Variants in DLGAP3 observed in about 807,000 individuals in gnomAD.
DLGAP3 encodes disks large-associated protein 3.
DLGAP3 carries 17 observed loss-of-function variants against 81.2 expected under a neutral mutation model. That is an observed-to-expected ratio of 0.21 (90% CI 0.14 to 0.31). DLGAP3 has a LOEUF of 0.31. Among genes scored for constraint, DLGAP3 ranks in the 10% least tolerant of loss-of-function variants. The probability of loss-of-function intolerance (pLI) is 1.00; values close to 1 mark genes in which losing one functional copy is unlikely to be tolerated. For synonymous variants in DLGAP3, 577 were observed against 587.4 expected (o/e 0.98, Z 0.26); for missense variants, 1,124 against 1,388.0 (o/e 0.81, Z 3.02).
At chr1:34,886,741 A>T (rs1054641444) in intron 5 of DLGAP3, among the ~76,000 whole-genome samples, 15 of 151,796 alleles carry the variant, frequency 9.9e-5, no homozygotes. Context: ...AATCCATTAC[A>T]TTACAAAATT....
At position 34,904,529 on chromosome 1, in the gene DLGAP3, A is replaced by C. The variant is rs1569644333; in HGVS notation, c.855T>G (p.Gly285=). Reference sequence around the variant, plus strand: ...CATCTGGACCCTCCAGGCAGAAGGGACCACCAGGCTCCCCAGGGGGCCTCC... The same window carrying C: ...CATCTGGACCCTCCAGGCAGAAGGGCCCACCAGGCTCCCCAGGGGGCCTCC... ...AGGRPPGEPG[G]PFCLEGPDGS... is the part of the protein sequence containing the mutation. The change falls in exon 3 of 12, where the codon GGT becomes GGG. Residue 285 remains glycine, a synonymous_variant. Transcript: ENST00000373347. The surrounding 1 kb of genome is among the most constrained non-coding windows in gnomAD (Gnocchi z 8.1). 6.2e-7 allele frequency: 1 copy of C among 1,614,044 alleles called. No homozygotes were observed. Among genetic ancestry groups the C allele is most frequent in the Non-Finnish European group, 8.5e-7 (1 of 1,179,950 alleles).
rs115378893 is a variant in DLGAP3, at chr1:34,913,269, C to A, written c.-134-5832G>T. Among the ~76,000 whole-genome samples, 1,079 of 152,286 alleles carry A rather than the reference C, an allele frequency of 7.1e-3. 18 individuals carry two copies. The highest frequency in any genetic ancestry group is 0.024 in the African/African-American group (994 of 41,546). On this transcript the variant is annotated intron_variant, in intron 1 of 11. Transcript: ENST00000373347. ...AAAATGGGTTTACAGCTCCAAAACA[C>A]TCGAGCCATTTAGGCAGATACAAGT...
chr1:34,895,351 G>A lies in DLGAP3; in HGVS notation c.1386+4318C>T, dbSNP rs1233750684. On this transcript the variant is annotated intron_variant, in intron 5 of 11. Coordinates refer to ENST00000373347, the MANE Select transcript of DLGAP3 (RefSeq NM_001080418.3). The surrounding 1 kb of genome is among the most constrained non-coding windows in gnomAD (Gnocchi z 4.5). ...CCACTGCACTCCTACCTGGGCGACA[G>A]AGCGAGACTGTCTCAAAAAAAAAAA... 6.8e-6 allele frequency among the ~76,000 whole-genome samples: 1 copy of A among 146,188 alleles called. No homozygotes were observed. Among genetic ancestry groups the A allele is most frequent in the Non-Finnish European group, 1.5e-5 (1 of 67,246 alleles).
chr1:34,874,055 A>G lies in DLGAP3; in HGVS notation c.2001-4966T>C, dbSNP rs538570435. ...AGTAGAAGTGGCATGTGCAACTTCC[A>G]GAAAGTGTCCTTAAAAGGAGGGGGT... On this transcript the variant is annotated intron_variant, in intron 8 of 11. Coordinates refer to ENST00000373347, the MANE Select transcript of DLGAP3 (RefSeq NM_001080418.3). 2.0e-5 allele frequency among the ~76,000 whole-genome samples: 3 copies of G among 152,354 alleles called. No homozygotes were observed. In the East Asian group the frequency reaches 5.8e-4, roughly 29 times the overall value.
intron 1 of DLGAP3, among the ~76,000 whole-genome samples, chr1:34,928,419 C>T (rs931475235): frequency 6.4e-5 from 9 of 140,938 alleles, no homozygotes; most frequent in African/African-American, 2.9e-4. Flanking sequence ...CCCCAGATCC[C>T]CCCTCCCACC....
In DLGAP3 at chr1:34,900,329, A is replaced by G. The variant is rs1239025121; in HGVS notation, c.1108-56T>C. ...CATGACCCTAGTAAATCTAGAGGCC[A>G]GGACTCTTTCCCCACTGCCAGTGGG... On this transcript the variant is annotated intron_variant, in intron 3 of 11. Transcript: ENST00000373347. This position sits in a 1 kb window ranked among gnomAD's most constrained non-coding sequence, Gnocchi z 5.6. 3 of 1,571,392 alleles carry G rather than the reference A, an allele frequency of 1.9e-6. No homozygotes were observed. Among genetic ancestry groups the G allele is most frequent in the Non-Finnish European group, 1.7e-6 (2 of 1,145,820 alleles).
intron 1 of DLGAP3, among the ~76,000 whole-genome samples, chr1:34,920,187 G>A (rs549050248): frequency 6.6e-6 from 1 of 152,232 alleles, no homozygotes; most frequent in South Asian, 2.1e-4. Context: ...CTAAGTCTCT[G>A]TCTGTGGCTC....
At chr1:34,870,773 A>C (rs1638967670) in intron 8 of DLGAP3, among the ~76,000 whole-genome samples, 2 of 152,216 alleles carry the variant, frequency 1.3e-5, no homozygotes, top group African/African-American at 4.8e-5. Context: ...CCTGATGATT[A>C]GACTGGCCTC....
intron 5 of DLGAP3, among the ~76,000 whole-genome samples, chr1:34,896,585 TCACACACACA>T (rs10593156): frequency 6.8e-6 from 1 of 146,798 alleles, no homozygotes; most frequent in East Asian, 2.0e-4. Context: ...CCAGACTCCA[TCACACACACA>T]CACACACACA....
intron 8 of DLGAP3, among the ~76,000 whole-genome samples, chr1:34,874,941 T>C (rs1219876246): frequency 6.6e-6 from 1 of 151,888 alleles, no homozygotes; most frequent in Admixed American, 6.6e-5. Context: ...AAACATATAA[T>C]CAAGCAGGGG....
intron 8 of DLGAP3, among the ~76,000 whole-genome samples, chr1:34,879,658 C>T (rs1374698227): frequency 4.0e-5 from 6 of 151,652 alleles, no homozygotes; most frequent in Admixed American, 3.9e-4. Flanking sequence ...AAAGGCTGTC[C>T]CTTGTCAAAA....
Position 34,886,836 on chromosome 1 carries a change from A to ATTTTACAC in DLGAP3, c.1387-552_1387-551insGTGTAAAA, listed in dbSNP as rs1639239470. Reference sequence around the variant, plus strand: ...TATACTATATATATACACTACATGTATATATGCTATATATATATAAAATAC... The same window carrying ATTTTACAC: ...TATACTATATATATACACTACATGTATTTTACACTATATGCTATATATATATAAAATAC... On this transcript the variant is annotated intron_variant, in intron 5 of 11. Transcript: ENST00000373347. Among the ~76,000 whole-genome samples the ATTTTACAC allele has an allele frequency of 4.7e-5, 7 of 149,722 alleles. No individual in the cohort carries two copies. The Admixed American group carries it at 4.7e-4, about 10-fold the overall frequency.
intron 2 of DLGAP3, among the ~76,000 whole-genome samples, chr1:34,906,016 T>TTTTATATA (rs60469155): frequency 1.1e-4 from 7 of 64,800 alleles, no homozygotes; most frequent in African/African-American, 1.9e-4. Context: ...GCCTCTAAAT[T>TTTTATATA]TATATATATA....
chr1:34,881,689 A>G (rs1460142826), intron 8 of DLGAP3, among the ~76,000 whole-genome samples: 2 of 148,532 alleles, frequency 1.3e-5, no homozygotes, highest in Non-Finnish European at 3.0e-5. Flanking sequence ...CAAACTGACA[A>G]TGGGATCAAG....
chr1:34,900,371 C>G lies in DLGAP3; in HGVS notation c.1108-98G>C. 1 of 1,268,374 alleles carries G rather than the reference C, an allele frequency of 7.9e-7. No homozygotes were observed. Among genetic ancestry groups the G allele is most frequent in the Non-Finnish European group, 1.1e-6 (1 of 878,014 alleles). The allele number at this position is 1,268,374 out of a possible 1,614,324, so 78.6% of individuals were successfully genotyped here. ...GCCAGTGGGAGATGCCCTGCCCTGG[C>G]TTGAACAGGCACACTCAGGTACATG... On this transcript the variant is annotated intron_variant, in intron 3 of 11. Coordinates refer to ENST00000373347, the MANE Select transcript of DLGAP3 (RefSeq NM_001080418.3). This position sits in a 1 kb window ranked among gnomAD's most constrained non-coding sequence, Gnocchi z 5.6.
intron 1 of DLGAP3, among the ~76,000 whole-genome samples, chr1:34,919,544 CGAGGTGGGCGGATCACTT>C (rs1398509273): frequency 6.6e-6 from 1 of 152,014 alleles, no homozygotes; most frequent in Admixed American, 6.6e-5. Context: ...TTTGGGAGGC[CGAGGTGGGCGGATCACTT>C]GAGGTCAGGA....
At chr1:34,919,191 CTCTATCACTGGCCTCTCGACCCAG>C (rs1376374155) in intron 1 of DLGAP3, among the ~76,000 whole-genome samples, 1 of 152,130 alleles carries the variant, frequency 6.6e-6, no homozygotes, top group African/African-American at 2.4e-5. Flanking sequence ...CTGGAAGGGG[CTCTATCACTGGCCTCTCGACCCAG>C]CCCCATGCTT....
intron 1 of DLGAP3, among the ~76,000 whole-genome samples, chr1:34,926,890 T>C (rs1286022814): frequency 2.0e-5 from 3 of 152,110 alleles, no homozygotes; most frequent in Non-Finnish European, 4.4e-5. Context: ...TAAGGAATGG[T>C]CTATCCAGCT....
chr1:34,896,550 C>T (rs1366751748), intron 5 of DLGAP3, among the ~76,000 whole-genome samples: 1 of 150,992 alleles, frequency 6.6e-6, no homozygotes, highest in Non-Finnish European at 1.5e-5. Context: ...GATCTAGCCA[C>T]TGCACTCTGG....
Sources: gnomAD v4.1 joint callset for allele counts (sites outside exome capture counted in the v4.1 genomes callset) on GRCh38, gnomAD v4.1.1 for gene constraint, Gnocchi (gnomAD v3.1) non-coding constraint, MANE v1.5 for transcripts, NCBI Gene and HGNC (gene_info 2026-07-23, HGNC 2026-07-21) for gene names.